The following TENM2 variants were observed in gnomAD, a reference collection of about 807,000 sequenced individuals.
The protein encoded by TENM2 is teneurin-2.
TENM2 carries 52 observed loss-of-function variants against 245.2 expected under a neutral mutation model. The observed-to-expected ratio is 0.21, with a 90% CI of 0.17 to 0.27. TENM2 has a LOEUF of 0.27. Ranked by LOEUF, TENM2 falls within the 10% of genes least tolerant of loss-of-function variation. The probability of loss-of-function intolerance (pLI) is 1.00; values close to 1 mark genes in which losing one functional copy is unlikely to be tolerated. For synonymous variants in TENM2, 1,363 were observed against 1,438.9 expected (o/e 0.95, Z 1.19); for missense variants, 3,046 against 3,666.8 (o/e 0.83, Z 4.37).
At chr5:167,654,969 A>T (rs1754745339) in intron 2 of TENM2, among the ~76,000 whole-genome samples, 1 of 152,130 alleles carries the variant, frequency 6.6e-6, no homozygotes, top group African/African-American at 2.4e-5. Context: ...TAAATAAATT[A>T]TAGAAACAGT....
intron 3 of TENM2, among the ~76,000 whole-genome samples, chr5:167,883,560 C>A (rs1774048522): frequency 6.6e-6 from 1 of 152,212 alleles, no homozygotes; most frequent in Admixed American, 6.5e-5. Flanking sequence ...CAGAGAACTG[C>A]TCTTTCTCAG....
In TENM2 at chr5:167,470,454, C is replaced by CTTTTTTTTTTTTTTT. The variant is rs749016436; in HGVS notation, c.502+94989_502+95003dup. 7.2e-3 allele frequency among the ~76,000 whole-genome samples: 340 copies of CTTTTTTTTTTTTTTT among 47,380 alleles called. 42 individuals carry two copies. The highest frequency in any genetic ancestry group is 9.3e-3 in the Non-Finnish European group (255 of 27,404). 31.1% of individuals were successfully genotyped at this position (47,380 alleles called of 152,430 possible). On this transcript the variant is annotated intron_variant, in intron 2 of 28. Coordinates refer to ENST00000518659, the Ensembl canonical transcript of TENM2. ...TACAGAGAGGTATGGGCAATGCTTG[C>CTTTTTTTTTTTTTTT]TTTTTTTTTTTTTTTTTTTTTTGCT...
At chr5:167,560,517 G>A (rs1773518605) in intron 2 of TENM2, among the ~76,000 whole-genome samples, 1 of 152,012 alleles carries the variant, frequency 6.6e-6, no homozygotes, top group African/African-American at 2.4e-5. Flanking sequence ...CACCTGTAAG[G>A]GAGCTCTGGG....
intron 8 of TENM2, among the ~76,000 whole-genome samples, chr5:168,096,207 G>A (rs1256973177): frequency 1.3e-5 from 2 of 152,202 alleles, no homozygotes; most frequent in Non-Finnish European, 2.9e-5. Context: ...CAATGCCTGT[G>A]CTCTCAAGAC....
intron 2 of TENM2, among the ~76,000 whole-genome samples, chr5:167,402,700 C>A (rs974936573): frequency 1.3e-5 from 2 of 152,056 alleles, no homozygotes; most frequent in African/African-American, 4.8e-5. Flanking sequence ...CAGTTCCTAG[C>A]ACATAATAAA....
chr5:167,455,224 C>T (rs570659189), intron 2 of TENM2, among the ~76,000 whole-genome samples: 4 of 152,124 alleles, frequency 2.6e-5, no homozygotes, highest in African/African-American at 4.8e-5. Flanking sequence ...TCTTGTTCAC[C>T]GAGTGAACAC....
chr5:167,539,301 T>C (rs188840058), intron 2 of TENM2, among the ~76,000 whole-genome samples: 10 of 152,334 alleles, frequency 6.6e-5, no homozygotes, highest in Admixed American at 6.5e-4. Flanking sequence ...CTGTGTGAAT[T>C]TGAAGCACTG....
intron 13 of TENM2, among the ~76,000 whole-genome samples, chr5:168,185,936 A>T (rs866089544): frequency 3.3e-4 from 2 of 6,038 alleles, no homozygotes; most frequent in African/African-American, 1.4e-3. Flanking sequence ...ATATATATAT[A>T]TATATATATA....
At chr5:167,332,331 G>A (rs147113175) in intron 1 of TENM2, among the ~76,000 whole-genome samples, 2 of 151,792 alleles carry the variant, frequency 1.3e-5, no homozygotes, top group Non-Finnish European at 2.9e-5. Context: ...TTATGTTTTT[G>A]TTCTATATTT....
At chr5:166,979,732 G>GT in the TENM2 span, among the ~76,000 whole-genome samples, 20 of 152,052 alleles carry the variant, frequency 1.3e-4, no homozygotes, top group African/African-American at 4.8e-4. Context: ...ATGAATGCTG[G>GT]AACATTTAAA....
At position 168,036,634 on chromosome 5, in the gene TENM2, C is replaced by CAA. The variant is rs201087090; in HGVS notation, c.1187-10784_1187-10783dup. Among the ~76,000 whole-genome samples, 87 of 60,556 alleles carry CAA rather than the reference C, an allele frequency of 1.4e-3. 3 individuals are homozygous for CAA. The highest frequency in any genetic ancestry group is 5.5e-3 in the East Asian group (12 of 2,168). 39.7% of individuals were successfully genotyped at this position (60,556 alleles called of 152,430 possible). ...CTGGGCAACAAGAGCGAAACTCCAT[C>CAA]AAAAAAAAAATATATATATATATAT... On this transcript the variant is annotated intron_variant, in intron 5 of 28. Coordinates refer to ENST00000518659, the Ensembl canonical transcript of TENM2.
chr5:168,005,479 C>CA (rs1423020143), intron 5 of TENM2, among the ~76,000 whole-genome samples: 1 of 152,198 alleles, frequency 6.6e-6, no homozygotes, highest in Non-Finnish European at 1.5e-5. Context: ...CACCCCTCCC[C>CA]AAAAACTTTA....
chr5:167,889,450 C>T (rs1774562708), intron 3 of TENM2, among the ~76,000 whole-genome samples: 1 of 152,142 alleles, frequency 6.6e-6, no homozygotes, highest in Non-Finnish European at 1.5e-5. Flanking sequence ...GTTTTCTTCC[C>T]GTCTGTGGTA....
At chr5:167,098,137 C>T in the TENM2 span, among the ~76,000 whole-genome samples, 1 of 152,146 alleles carries the variant, frequency 6.6e-6, no homozygotes, top group Non-Finnish European at 1.5e-5. Flanking sequence ...TTATCTTATG[C>T]TGTTATTTTT....
the TENM2 span, among the ~76,000 whole-genome samples, chr5:167,170,737 T>C: frequency 2.0e-5 from 3 of 152,286 alleles, no homozygotes; most frequent in African/African-American, 7.2e-5. Context: ...AGACTTTTGT[T>C]TCCAAACACT....
At chr5:167,519,204 T>C (rs1335143010) in intron 2 of TENM2, among the ~76,000 whole-genome samples, 2 of 152,164 alleles carry the variant, frequency 1.3e-5, no homozygotes, top group Admixed American at 1.3e-4. Flanking sequence ...GTCATATGCT[T>C]AAATATTATC....
At chr5:167,730,294 A>C (rs1760329943) in intron 2 of TENM2, among the ~76,000 whole-genome samples, 1 of 152,176 alleles carries the variant, frequency 6.6e-6, no homozygotes, top group Non-Finnish European at 1.5e-5. Context: ...GGATGTTGGG[A>C]TAGTTCTGAC....
chr5:167,949,244 C>T (rs1275726598), intron 3 of TENM2, among the ~76,000 whole-genome samples: 1 of 152,186 alleles, frequency 6.6e-6, no homozygotes, highest in African/African-American at 2.4e-5. Flanking sequence ...TCACAGCATT[C>T]AGCTCTATCC....
At chr5:167,440,614 A>G (rs1024165169) in intron 2 of TENM2, among the ~76,000 whole-genome samples, 1 of 152,204 alleles carries the variant, frequency 6.6e-6, no homozygotes, top group Non-Finnish European at 1.5e-5. Flanking sequence ...AATATTGGAC[A>G]TCCTGAAAAT....
Sources: allele counts gnomAD v4.1 joint callset (sites outside exome capture counted in the v4.1 genomes callset), GRCh38; gene constraint gnomAD v4.1.1; transcripts MANE v1.5; gene names NCBI Gene and HGNC (gene_info 2026-07-23, HGNC 2026-07-21).